Variants in OR6N1 observed in about 807,000 individuals in gnomAD.
OR6N1 encodes olfactory receptor family 6 subfamily N member 1.
For missense variants in OR6N1, 394 were observed against 371.7 expected (o/e 1.06, Z -0.49); for synonymous variants, 170 against 150.7 (o/e 1.13, Z -0.94).
chr1:158,771,661 A>G (rs1185462427), intron 1 of OR6N1, among the ~76,000 whole-genome samples: 1 of 152,208 alleles, frequency 6.6e-6, no homozygotes, highest in African/African-American at 2.4e-5. Flanking sequence ...AGGGCCAAAG[A>G]TCTGGGGGTA....
chr1:158,793,707 A>AT, the OR6N1 span, among the ~76,000 whole-genome samples: 1 of 151,976 alleles, frequency 6.6e-6, no homozygotes, highest in Non-Finnish European at 1.5e-5. Context: ...CACTTTTTAA[A>AT]TTTTTTTTCC....
chr1:158,809,117 A>T, the OR6N1 span: 1 of 153,060 alleles, frequency 6.5e-6, no homozygotes, highest in South Asian at 2.1e-4. Context: ...TGGTGCTGAC[A>T]TACCACACCT....
the OR6N1 span, among the ~76,000 whole-genome samples, chr1:158,822,657 G>C: frequency 1.3e-5 from 2 of 152,204 alleles, no homozygotes; most frequent in Non-Finnish European, 2.9e-5. Context: ...TCTGCAAACA[G>C]AGATAGTTTG....
chr1:158,815,357 A>G, the OR6N1 span, among the ~76,000 whole-genome samples: 2 of 152,302 alleles, frequency 1.3e-5, no homozygotes, highest in African/African-American at 4.8e-5. Context: ...AACAATGTCA[A>G]TTAATGTGAG....
At chr1:158,836,782 T>C in the OR6N1 span, among the ~76,000 whole-genome samples, 2 of 151,968 alleles carry the variant, frequency 1.3e-5, no homozygotes, top group East Asian at 3.9e-4. Flanking sequence ...TCTACTTTTT[T>C]AAGTTCCTTA....
the OR6N1 span, among the ~76,000 whole-genome samples, chr1:158,820,501 C>T: frequency 6.6e-6 from 1 of 152,134 alleles, no homozygotes; most frequent in Non-Finnish European, 1.5e-5. Context: ...TTTAAGTTGG[C>T]ATATAGTAGG....
At position 158,766,199 on chromosome 1, in the gene OR6N1, A is replaced by G; in HGVS notation, c.484T>C (p.Leu162=). 1 of 1,614,170 alleles carries G rather than the reference A, an allele frequency of 6.2e-7. No homozygotes were observed. The highest frequency in any genetic ancestry group is 8.5e-7 in the Non-Finnish European group (1 of 1,180,026). The change falls in exon 2 of 2, where the codon TTG becomes CTG. Residue 162 remains leucine, a synonymous_variant. Coordinates refer to ENST00000641846, the MANE Select transcript of OR6N1 (RefSeq NM_001005185.2). The stretch of plus-strand genomic sequence containing the variant: ...CCACAGAATGGGAGGCGTGAAATCA[A>G]GGAAATTTCAACTACTGGCCCAGCC... ...GLAGPVVEIS[L]ISRLPFCGPN... is the part of the protein sequence containing the mutation.
At chr1:158,771,232 C>T (rs1438397569) in intron 1 of OR6N1, among the ~76,000 whole-genome samples, 1 of 152,182 alleles carries the variant, frequency 6.6e-6, no homozygotes, top group African/African-American at 2.4e-5. Context: ...CACTGTCCCT[C>T]CAATTATATC....
rs997171585 is a variant in OR6N1, at chr1:158,765,461, A to G, written c.*283T>C. 3.1e-4 allele frequency: 89 copies of G among 289,072 alleles called. No homozygotes were observed. The highest frequency in any genetic ancestry group is 4.0e-4 in the Non-Finnish European group (61 of 154,332). The allele number at this position is 289,072 out of a possible 1,614,324, so 17.9% of individuals were successfully genotyped here. ...ATAATAGGTAAGACACAGATTTTAA[A>G]AAAAACCTAAGTGTGATACATAAAC... On this transcript the variant is annotated 3_prime_UTR_variant, in exon 2 of 2. Coordinates refer to ENST00000641846, the MANE Select transcript of OR6N1 (RefSeq NM_001005185.2).
the OR6N1 span, among the ~76,000 whole-genome samples, chr1:158,819,722 T>C: frequency 3.9e-5 from 6 of 152,368 alleles, no homozygotes; most frequent in African/African-American, 1.4e-4. Context: ...TCTGCCTGTC[T>C]GCACATCTCA....
At position 158,766,304 on chromosome 1, in the gene OR6N1, A is replaced by G. The variant is rs371210885; in HGVS notation, c.379T>C (p.Cys127Arg). 12 of 1,614,142 alleles carry G rather than the reference A, an allele frequency of 7.4e-6. No individual in the cohort carries two copies. Among genetic ancestry groups the G allele is most frequent in the Admixed American group, 1.7e-5 (1 of 60,006 alleles). The change falls in exon 2 of 2, where the codon TGC becomes CGC. Residue 127 changes from cysteine (C) to arginine (R), a missense_variant. Cys to Arg is a radical substitution (Grantham distance 180). Transcript: ENST00000641846. Reference protein sequence around the residue: ...AMAYDRYLAICRPLHYPTLMT... With the variant: ...AMAYDRYLAIRRPLHYPTLMT... ...AGGGTTGGGTAGTGGAGGGGCCGGC[A>G]GATGGCTAAATACCTATCGTAGGCC...
chr1:158,837,107 A>G, the OR6N1 span, among the ~76,000 whole-genome samples: 1 of 151,838 alleles, frequency 6.6e-6, no homozygotes, highest in African/African-American at 2.4e-5. Flanking sequence ...CTTGTTTGGC[A>G]TCCTAATTTG....
the OR6N1 span, chr1:158,831,483 G>C: frequency 6.6e-6 from 1 of 152,158 alleles, no homozygotes; most frequent in East Asian, 1.9e-4. Flanking sequence ...AAGCTTTACG[G>C]ACAGTGATTC....
chr1:158,779,833 A>G, the OR6N1 span, among the ~76,000 whole-genome samples: 1 of 152,096 alleles, frequency 6.6e-6, no homozygotes, highest in South Asian at 2.1e-4. Flanking sequence ...TTATTTATTC[A>G]TTTTCTATGC....
the OR6N1 span, among the ~76,000 whole-genome samples, chr1:158,835,594 C>G: frequency 5.2e-5 from 5 of 95,260 alleles, no homozygotes; most frequent in East Asian, 1.3e-3. Flanking sequence ...TTTATATTTT[C>G]TGTTTATTGC....
At chr1:158,825,430 T>G in the OR6N1 span, among the ~76,000 whole-genome samples, 1 of 150,154 alleles carries the variant, frequency 6.7e-6, no homozygotes, top group South Asian at 2.1e-4. Flanking sequence ...CAGAGTGAGA[T>G]TCCATCTCAA....
At chr1:158,794,095 T>G in the OR6N1 span, among the ~76,000 whole-genome samples, 1 of 152,190 alleles carries the variant, frequency 6.6e-6, no homozygotes, top group Non-Finnish European at 1.5e-5. Context: ...TGGAGGGCAC[T>G]CCTCCTATGG....
chr1:158,835,995 G>A, the OR6N1 span, among the ~76,000 whole-genome samples: 1 of 151,734 alleles, frequency 6.6e-6, no homozygotes, highest in Non-Finnish European at 1.5e-5. Context: ...TCAGGAATAA[G>A]AGAAATATTT....
intron 1 of OR6N1, among the ~76,000 whole-genome samples, chr1:158,769,114 G>A (rs1162362497): frequency 1.3e-5 from 2 of 152,098 alleles, no homozygotes; most frequent in African/African-American, 4.8e-5. Context: ...TACAAGCCAT[G>A]GGCTGGATAT....
Sources: gnomAD v4.1 joint callset for allele counts (sites outside exome capture counted in the v4.1 genomes callset) on GRCh38, gnomAD v4.1.1 for gene constraint, MANE v1.5 for transcripts, NCBI Gene and HGNC (gene_info 2026-07-23, HGNC 2026-07-21) for gene names.